Variants in THSD7B observed in about 807,000 individuals in gnomAD.
THSD7B encodes thrombospondin type-1 domain-containing protein 7B.
A neutral mutation model predicts 213.6 loss-of-function variants in THSD7B; 138 were observed. That is an observed-to-expected ratio of 0.65 (90% CI 0.56 to 0.74). The LOEUF (loss-of-function observed/expected upper bound fraction) is 0.74. THSD7B is among the 30% of genes least tolerant of loss of function. THSD7B has a pLI of 0.00. For missense variants in THSD7B, 1,931 were observed against 1,991.5 expected (o/e 0.97, Z 0.58); for synonymous variants, 742 against 687.0 (o/e 1.08, Z -1.25).
At chr2:137,219,268 T>C (rs1681315106) in intron 7 of THSD7B, among the ~76,000 whole-genome samples, 1 of 152,126 alleles carries the variant, frequency 6.6e-6, no homozygotes, top group Non-Finnish European at 1.5e-5. Context: ...AACACTGTGG[T>C]TATCCTCTGA....
chr2:137,610,913 G>T (rs1823302), intron 17 of THSD7B, among the ~76,000 whole-genome samples: 1 of 151,176 alleles, frequency 6.6e-6, no homozygotes, highest in Non-Finnish European at 1.5e-5. Flanking sequence ...GAGAAAAATA[G>T]AGTGAACATC....
chr2:136,805,764 G>C (rs1389802288), intron 1 of THSD7B, among the ~76,000 whole-genome samples: 1 of 152,144 alleles, frequency 6.6e-6, no homozygotes, highest in Non-Finnish European at 1.5e-5. Flanking sequence ...TGTCCTTGCA[G>C]AGTCTGTAGC....
intron 4 of THSD7B, among the ~76,000 whole-genome samples, chr2:137,105,327 C>T (rs149085217): frequency 8.5e-4 from 129 of 152,140 alleles, no homozygotes; most frequent in African/African-American, 2.1e-3. Context: ...TCTAGATAGA[C>T]GCAGAAAAGC....
intron 12 of THSD7B, among the ~76,000 whole-genome samples, chr2:137,346,335 T>A (rs1684875478): frequency 6.6e-6 from 1 of 151,622 alleles, no homozygotes; most frequent in African/African-American, 2.4e-5. Context: ...TAATGCAATA[T>A]ATGTTTTATT....
intron 14 of THSD7B, among the ~76,000 whole-genome samples, chr2:137,426,915 C>T (rs937438612): frequency 4.6e-5 from 7 of 151,764 alleles, no homozygotes; most frequent in Middle Eastern, 6.8e-3. Context: ...GGTTAATACC[C>T]AAAATATATT....
intron 2 of THSD7B, among the ~76,000 whole-genome samples, chr2:137,040,482 C>T (rs1362682044): frequency 6.6e-6 from 1 of 151,526 alleles, no homozygotes; most frequent in Non-Finnish European, 1.5e-5. Context: ...CAGCCTCTGT[C>T]TCCCAGATTC....
intron 2 of THSD7B, among the ~76,000 whole-genome samples, chr2:136,961,043 C>T (rs574215513): frequency 1.9e-4 from 24 of 127,446 alleles, no homozygotes; most frequent in Non-Finnish European, 2.7e-4. Context: ...GAGCCAAGAC[C>T]GCGCCACTGC....
In THSD7B at chr2:137,233,797, TGAG is replaced by T. The variant is rs1446985592; in HGVS notation, c.2150+668_2150+670del. On this transcript the variant is annotated intron_variant, in intron 9 of 27. Transcript: ENST00000409968. ...GTGGGAGTTTTATCACTAGACCAAATGAGGAGATGTATGTTTTCCTAAAGTCCC... is the reference window on the plus strand; with the variant it reads ...GTGGGAGTTTTATCACTAGACCAAATGAGATGTATGTTTTCCTAAAGTCCC... Among the ~76,000 whole-genome samples the T allele has an allele frequency of 2.0e-5, 3 of 152,068 alleles. No homozygotes were observed. The East Asian group carries it at 5.8e-4, about 29-fold the overall frequency.
At chr2:136,854,249 T>C (rs1207615559) in intron 1 of THSD7B, among the ~76,000 whole-genome samples, 1 of 144,392 alleles carries the variant, frequency 6.9e-6, no homozygotes. Context: ...CATATGTGCA[T>C]ACATCCATAT....
At position 137,042,993 on chromosome 2, in the gene THSD7B, G is replaced by C. The variant is rs17676042; in HGVS notation, c.140-13427G>C. Among the ~76,000 whole-genome samples, 1,282 of 152,270 alleles carry C rather than the reference G, an allele frequency of 8.4e-3. 8 individuals carry two copies. Among genetic ancestry groups the C allele is most frequent in the Non-Finnish European group, 0.011 (726 of 68,014 alleles). On this transcript the variant is annotated intron_variant, in intron 2 of 27. Transcript: ENST00000409968. ...TGTGTGCTCGCCCAGCTTGGAAAGGGTAATGAGGATAGATTTTCTCAGTGC... is the reference window on the plus strand; with the variant it reads ...TGTGTGCTCGCCCAGCTTGGAAAGGCTAATGAGGATAGATTTTCTCAGTGC...
intron 4 of THSD7B, 49 bp downstream of exon 4, chr2:137,095,170 G>C (rs1158976397): frequency 6.3e-7 from 1 of 1,599,086 alleles, no homozygotes; most frequent in African/African-American, 1.3e-5. Context: ...ATAATTTAAT[G>C]TTGTAGGAAT....
chr2:137,660,056 A>G (rs1683314277), intron 25 of THSD7B, among the ~76,000 whole-genome samples: 1 of 152,182 alleles, frequency 6.6e-6, no homozygotes, highest in African/African-American at 2.4e-5. Context: ...ATACGCCTCA[A>G]CTATTTTGAA....
intron 12 of THSD7B, among the ~76,000 whole-genome samples, chr2:137,374,511 G>A (rs1039394064): frequency 2.0e-5 from 3 of 152,204 alleles, no homozygotes; most frequent in Middle Eastern, 3.4e-3. Flanking sequence ...CATCTTTATC[G>A]GTAAGTCCAA....
intron 1 of THSD7B, among the ~76,000 whole-genome samples, chr2:136,818,453 C>T (rs894763700): frequency 8.6e-5 from 13 of 150,538 alleles, no homozygotes; most frequent in Middle Eastern, 3.4e-3. Context: ...TGCTAGATGA[C>T]GAGTTAGTGG....
chr2:137,056,785 G>A lies in THSD7B; in HGVS notation c.505G>A (p.Glu169Lys). 1.2e-6 allele frequency: 2 copies of A among 1,613,992 alleles called. No homozygotes were observed. Among genetic ancestry groups the A allele is most frequent in the Non-Finnish European group, 1.7e-6 (2 of 1,179,894 alleles). ...CEHFALQPPT[E>K]QACLIPCPRD... ...ACACTTTGCCCTTCAGCCTCCTACA[G>A]AACAGGCTTGCCTCATTCCTTGTCC... The change falls in exon 3 of 28, where the codon GAA becomes AAA. Residue 169 changes from glutamate to lysine, a missense_variant. Coordinates refer to ENST00000409968, the MANE Select transcript of THSD7B (RefSeq NM_001316349.2).
chr2:137,405,953 C>A, intron 13 of THSD7B, 146 bp downstream of exon 13: 2 of 646,472 alleles, frequency 3.1e-6, no homozygotes, highest in Non-Finnish European at 5.1e-6. Context: ...AAACTCAGAA[C>A]AATGCCTGGT....
chr2:136,937,075 A>G (rs1157657208), intron 2 of THSD7B, among the ~76,000 whole-genome samples: 3 of 152,108 alleles, frequency 2.0e-5, no homozygotes, highest in African/African-American at 7.2e-5. Flanking sequence ...AATTTTCAGC[A>G]CCGTAACAAG....
intron 12 of THSD7B, among the ~76,000 whole-genome samples, chr2:137,308,105 C>T (rs774117963): frequency 6.6e-5 from 10 of 151,994 alleles, no homozygotes; most frequent in Admixed American, 1.3e-4. Flanking sequence ...ACGATTATTT[C>T]CTCCAGGTGT....
At chr2:137,453,679 C>G (rs1035986623) in intron 15 of THSD7B, among the ~76,000 whole-genome samples, 4 of 152,104 alleles carry the variant, frequency 2.6e-5, no homozygotes, top group African/African-American at 9.7e-5. Context: ...CTATTATTAA[C>G]TACATTTACC....
Sources: gnomAD v4.1 joint callset for allele counts (sites outside exome capture counted in the v4.1 genomes callset) on GRCh38, gnomAD v4.1.1 for gene constraint, MANE v1.5 for transcripts, NCBI Gene and HGNC (gene_info 2026-07-23, HGNC 2026-07-21) for gene names.